Variants in DLGAP2 observed in about 807,000 individuals in gnomAD.
The protein encoded by DLGAP2 is disks large-associated protein 2.
DLGAP2 carries 26 observed loss-of-function variants against 100.3 expected under a neutral mutation model. That is an observed-to-expected ratio of 0.26 (90% confidence interval 0.19 to 0.36). The LOEUF (loss-of-function observed/expected upper bound fraction) is 0.36, where lower values mean the gene tolerates loss of function less well. DLGAP2 is among the 10% of genes least tolerant of loss of function. The pLI is 1.00. For missense variants in DLGAP2, 1,858 were observed against 1,453.2 expected (o/e 1.28, Z -4.53); for synonymous variants, 886 against 630.1 (o/e 1.41, Z -6.08).
Position 1,706,162 on chromosome 8 carries a change from T to C in DLGAP2, c.*4756T>C, listed in dbSNP as rs1361029231. On this transcript the variant is annotated 3_prime_UTR_variant, in exon 15 of 15. Transcript: ENST00000637795. The stretch of plus-strand genomic sequence containing the variant: ...CCCCCAGTGCAGGGTGGCAGCAGAA[T>C]GTTCTGGAAATGAAGGAGATATTGC... 1 of 152,232 alleles carries C rather than the reference T, an allele frequency of 6.6e-6. No individual in the cohort carries two copies. The highest frequency in any genetic ancestry group is 2.4e-5 in the African/African-American group (1 of 41,462). 9.4% of individuals were successfully genotyped at this position (152,232 alleles called of 1,614,324 possible). A position where few individuals can be genotyped will look rare whatever the true frequency, so the allele number is the denominator to read the frequency against.
At chr8:1,465,804 C>T (rs1798612156) in intron 3 of DLGAP2, among the ~76,000 whole-genome samples, 1 of 152,146 alleles carries the variant, frequency 6.6e-6, no homozygotes, top group Non-Finnish European at 1.5e-5. Context: ...CCCCTCTGTG[C>T]CGCGTTTCTT....
intron 2 of DLGAP2, among the ~76,000 whole-genome samples, chr8:1,085,668 C>T (rs1803951474): frequency 6.6e-6 from 1 of 152,168 alleles, no homozygotes; most frequent in Non-Finnish European, 1.5e-5. Context: ...GTAATTACTG[C>T]CACTTTGTAG....
chr8:780,652 A>G (rs1487721088), intron 1 of DLGAP2, among the ~76,000 whole-genome samples: 1 of 152,212 alleles, frequency 6.6e-6, no homozygotes, highest in African/African-American at 2.4e-5. Flanking sequence ...TTTTGAAAAT[A>G]TCCGCTCTAG....
At chr8:1,587,310 C>G (rs1796151168) in intron 6 of DLGAP2, among the ~76,000 whole-genome samples, 1 of 152,164 alleles carries the variant, frequency 6.6e-6, no homozygotes. Flanking sequence ...TAGTGGTCTG[C>G]CAGCTTCAGG....
chr8:1,382,027 C>T (rs193063828), intron 3 of DLGAP2, among the ~76,000 whole-genome samples: 2 of 152,130 alleles, frequency 1.3e-5, no homozygotes, highest in Admixed American at 1.3e-4. Context: ...CATAAAAAAG[C>T]AGGGCTTAGT....
At chr8:844,400 T>G (rs1797035995) in intron 1 of DLGAP2, among the ~76,000 whole-genome samples, 1 of 152,234 alleles carries the variant, frequency 6.6e-6, no homozygotes, top group African/African-American at 2.4e-5. Flanking sequence ...AAAGAAATAT[T>G]GGTAGACGAC....
At chr8:1,362,257 C>T (rs1015103135) in intron 3 of DLGAP2, among the ~76,000 whole-genome samples, 1 of 152,012 alleles carries the variant, frequency 6.6e-6, no homozygotes, top group African/African-American at 2.4e-5. Flanking sequence ...AGTGGCAGCT[C>T]CACTCAGGGC....
rs548289858 is a variant in DLGAP2 at position 1,619,019 on chromosome 8, G to A, written c.1443-7721G>A. Among the ~76,000 whole-genome samples, 465 of 152,212 alleles carry A rather than the reference G, an allele frequency of 3.1e-3. 3 individuals carry two copies. Among genetic ancestry groups the A allele is most frequent in the African/African-American group, 7.5e-3 (311 of 41,528 alleles). The stretch of plus-strand genomic sequence containing the variant: ...GTGTGACAGAATAGAGACTCCAGCC[G>A]TCAAAATCTTTAAATTCTGTTCATT... On this transcript the variant is annotated intron_variant, in intron 6 of 14. Coordinates refer to ENST00000637795, the MANE Select transcript of DLGAP2 (RefSeq NM_001346810.2).
chr8:1,230,837 AGCATAT>A (rs1798520539), intron 2 of DLGAP2, among the ~76,000 whole-genome samples: 1 of 152,236 alleles, frequency 6.6e-6, no homozygotes, highest in South Asian at 2.1e-4. Flanking sequence ...CCTGCCTTTC[AGCATAT>A]GCAAAAATTA....
At chr8:1,218,711 T>G (rs2116806384) in intron 2 of DLGAP2, among the ~76,000 whole-genome samples, 1 of 152,304 alleles carries the variant, frequency 6.6e-6, no homozygotes, top group South Asian at 2.1e-4. Flanking sequence ...ATCTGTAAAT[T>G]GCTTTGATTA....
intron 1 of DLGAP2, among the ~76,000 whole-genome samples, chr8:830,193 ATATT>A (rs1796755171): frequency 4.6e-5 from 7 of 152,174 alleles, no homozygotes; most frequent in Admixed American, 4.6e-4. Context: ...GTAGATGTAT[ATATT>A]TATGACGTAC....
intron 1 of DLGAP2, among the ~76,000 whole-genome samples, chr8:842,113 C>G (rs1056785986): frequency 6.6e-5 from 10 of 152,170 alleles, no homozygotes; most frequent in Non-Finnish European, 8.8e-5. Context: ...TGCATTCTTT[C>G]CCTTCTGGTA....
At chr8:1,323,143 C>T (rs1223244843) in intron 3 of DLGAP2, among the ~76,000 whole-genome samples, 1 of 151,926 alleles carries the variant, frequency 6.6e-6, no homozygotes, top group Non-Finnish European at 1.5e-5. Context: ...AATTCTCCTA[C>T]CTCAGCCTCC....
At chr8:1,249,524 A>G (rs574931810) in intron 2 of DLGAP2, among the ~76,000 whole-genome samples, 16 of 152,318 alleles carry the variant, frequency 1.1e-4, no homozygotes, top group African/African-American at 3.6e-4. Flanking sequence ...TTGATGAAAT[A>G]TTTTGCAAAT....
intron 3 of DLGAP2, among the ~76,000 whole-genome samples, chr8:1,449,546 C>T (rs991554181): frequency 6.6e-6 from 1 of 152,188 alleles, no homozygotes; most frequent in African/African-American, 2.4e-5. Context: ...GGCACCACAG[C>T]CACTGAGTCC....
At chr8:1,051,831 A>G (rs1347075716) in intron 2 of DLGAP2, among the ~76,000 whole-genome samples, 1 of 151,208 alleles carries the variant, frequency 6.6e-6, no homozygotes, top group Admixed American at 6.6e-5. Flanking sequence ...GCTTAGCTCT[A>G]CTCCTCTCTA....
chr8:813,871 A>G (rs1032962665), intron 1 of DLGAP2, among the ~76,000 whole-genome samples: 6 of 152,172 alleles, frequency 3.9e-5, no homozygotes, highest in African/African-American at 1.2e-4. Flanking sequence ...CTTCTGCCGA[A>G]TGTTCTGGGG....
intron 14 of DLGAP2, among the ~76,000 whole-genome samples, chr8:1,699,593 A>G (rs912807438): frequency 4.6e-5 from 7 of 152,098 alleles, no homozygotes; most frequent in African/African-American, 1.4e-4. Context: ...CAGCCTAGGC[A>G]ACAGAGTGAG....
intron 1 of DLGAP2, among the ~76,000 whole-genome samples, chr8:856,050 C>G (rs1206855555): frequency 6.6e-6 from 1 of 151,808 alleles, no homozygotes; most frequent in Non-Finnish European, 1.5e-5. Flanking sequence ...CCAGCTAATG[C>G]AATAAGACAA....
Sources: allele counts gnomAD v4.1 joint callset (sites outside exome capture counted in the v4.1 genomes callset), GRCh38; gene constraint gnomAD v4.1.1; transcripts MANE v1.5; gene names NCBI Gene and HGNC (gene_info 2026-07-23, HGNC 2026-07-21).